ODF2: variants seen among roughly 807,000 people sequenced by gnomAD.
The protein encoded by ODF2 is outer dense fiber of sperm tails 2, also known as outer dense fiber protein 2.
In ODF2, 47 loss-of-function variants were observed where a neutral mutation model predicts 110.2. The observed-to-expected ratio is 0.43, with a 90% confidence interval of 0.34 to 0.54. The LOEUF (loss-of-function observed/expected upper bound fraction) is 0.54. ODF2 is among the 20% of genes least tolerant of loss of function. The pLI is 0.03. For synonymous variants in ODF2, 352 were observed against 397.7 expected (o/e 0.89, Z 1.37); for missense variants, 812 against 1,054.5 (o/e 0.77, Z 3.19).
chr9:128,488,339 C>T (rs1588950995), intron 14 of ODF2, among the ~76,000 whole-genome samples: 1 of 151,948 alleles, frequency 6.6e-6, no homozygotes, highest in Non-Finnish European at 1.5e-5. Context: ...TTGGGAGAAT[C>T]GCTTGAGCCT....
intron 6 of ODF2, 106 bp downstream of exon 6, chr9:128,471,574 G>A (rs1222739617): frequency 1.3e-5 from 13 of 992,426 alleles, no homozygotes; most frequent in Non-Finnish European, 1.5e-5. Context: ...CACAGGCACT[G>A]TGCCTGTGCC....
At chr9:128,486,481 G>A (rs1843374073) in intron 13 of ODF2, among the ~76,000 whole-genome samples, 1 of 152,194 alleles carries the variant, frequency 6.6e-6, no homozygotes, top group Non-Finnish European at 1.5e-5. Context: ...ATGTTTGCTT[G>A]GGCCTAGTCA....
At chr9:128,456,933 G>A in intron 1 of ODF2, 1 of 1,252,250 alleles carries the variant, frequency 8.0e-7, no homozygotes, top group Non-Finnish European at 1.0e-6. Flanking sequence ...TCTCCTAGGA[G>A]ACAGTTGTCC....
chr9:128,473,538 T>C lies in ODF2; in HGVS notation c.712-72T>C, dbSNP rs1228842309. 14 of 1,588,660 alleles carry C rather than the reference T, an allele frequency of 8.8e-6. No homozygotes were observed. In the East Asian group the frequency reaches 2.9e-4, roughly 33 times the overall value. On this transcript the variant is annotated intron_variant, in intron 7 of 20. Transcript: ENST00000604420. ...TGTCTGGGCTTTCTGGCACCAGACC[T>C]CTTGAGTGCCCATGGGGCCTGCTTC...
chr9:128,471,079 A>G (rs1839895157), intron 5 of ODF2, among the ~76,000 whole-genome samples: 1 of 152,000 alleles, frequency 6.6e-6, no homozygotes, highest in South Asian at 2.1e-4. Context: ...ACATCTGGCT[A>G]ATTTTTGTAT....
At chr9:128,455,878 C>A (rs1236574103), upstream of ODF2, 3 of 1,144,646 alleles carry the variant, frequency 2.6e-6, no homozygotes, top group Admixed American at 3.3e-5. Flanking sequence ...CCGGGAGGAT[C>A]CAAGGCAGGG....
chr9:128,474,795 C>T (rs373365481), intron 8 of ODF2, among the ~76,000 whole-genome samples: 1 of 151,918 alleles, frequency 6.6e-6, no homozygotes, highest in Non-Finnish European at 1.5e-5. Context: ...AACCCCATCT[C>T]TACTTGAAAA....
intron 1 of ODF2, chr9:128,456,577 G>A: frequency 6.6e-7 from 1 of 1,525,222 alleles, no homozygotes; most frequent in Non-Finnish European, 8.8e-7. Flanking sequence ...CTGCCTGCTG[G>A]TGGGTGGCCG....
exon 9 of ODF2, chr9:128,481,639 C>A: frequency 6.2e-7 from 1 of 1,613,750 alleles, no homozygotes; most frequent in Admixed American, 1.7e-5. Flanking sequence ...CGGAGGCCGA[C>A]TCAGAGAAAG....
rs570087818 is a variant in ODF2, at chr9:128,484,067, C to T, written c.1104+13C>T. On this transcript the variant is annotated intron_variant, in intron 11 of 20. Transcript: ENST00000604420. Reference sequence around the variant, plus strand: ...CATGCAGATTAAGGTACCTATTGGCCCCACAAGTGGGGAAAGAGGAGGCAA... The same window carrying T: ...CATGCAGATTAAGGTACCTATTGGCTCCACAAGTGGGGAAAGAGGAGGCAA... 6.3e-7 allele frequency: 1 copy of T among 1,588,208 alleles called. No homozygotes were observed. Among genetic ancestry groups the T allele is most frequent in the African/African-American group, 1.3e-5 (1 of 74,598 alleles).
At chr9:128,456,670 G>A (rs1269554492) in intron 1 of ODF2, 1 of 1,453,278 alleles carries the variant, frequency 6.9e-7, no homozygotes, top group Non-Finnish European at 9.0e-7. Flanking sequence ...CCTCTCCTCG[G>A]GCCTCCACAT....
Position 128,481,581 on chromosome 9 carries a change from AT to A in ODF2, c.847del (p.Ser283LeufsTer4). 6.2e-7 allele frequency: 1 copy of A among 1,613,040 alleles called. No individual in the cohort carries two copies. The highest frequency in any genetic ancestry group is 8.5e-7 in the Non-Finnish European group (1 of 1,179,422). The stretch of plus-strand genomic sequence containing the variant: ...TTTTTCCTTTGCCTTTCTTTGAAGG[AT>A]TCTGAAAGACTAATGGAGCAACAAG... On this transcript the variant is annotated frameshift_variant and splice_region_variant, in exon 9 of 21. Transcript: ENST00000604420. LOFTEE classifies it high-confidence loss of function.
chr9:128,460,158 T>C (rs1438222248), intron 3 of ODF2: 2 of 1,297,760 alleles, frequency 1.5e-6, no homozygotes, highest in Admixed American at 2.3e-5. Flanking sequence ...GCATGCCCAG[T>C]TGAGATCACT....
Position 128,460,684 on chromosome 9 carries a change from G to C in ODF2, c.124-258G>C. The C allele has an allele frequency of 6.2e-7, 1 of 1,613,714 alleles. No individual in the cohort carries two copies. The highest frequency in any genetic ancestry group is 8.5e-7 in the Non-Finnish European group (1 of 1,179,846). On this transcript the variant is annotated intron_variant, in intron 3 of 20. Coordinates refer to ENST00000604420, the Ensembl canonical transcript of ODF2. Reference sequence around the variant, plus strand: ...GCAGCCAGGTAGGAGCATGCCAGTGGGGCGAGGTAGTAGCTGTGGATCTGG... The same window carrying C: ...GCAGCCAGGTAGGAGCATGCCAGTGCGGCGAGGTAGTAGCTGTGGATCTGG...
Position 128,473,352 on chromosome 9 carries a change from C to A in ODF2, c.712-258C>A, listed in dbSNP as rs895626073. 5.2e-6 allele frequency: 4 copies of A among 773,732 alleles called. No homozygotes were observed. In the African/African-American group the frequency reaches 5.7e-5, roughly 11 times the overall value. 47.9% of individuals were successfully genotyped at this position (773,732 alleles called of 1,614,324 possible). A position where few individuals can be genotyped will look rare whatever the true frequency, so the allele number is the denominator to read the frequency against. On this transcript the variant is annotated intron_variant, in intron 7 of 20. Coordinates refer to ENST00000604420, the Ensembl canonical transcript of ODF2. ...TCTTGTCATCCTCCTTTGCTTCCTC[C>A]AGGAAGTCTGCCCTGACTGTGCTCA...
At chr9:128,470,035 AT>A (rs1221849249) in intron 5 of ODF2, among the ~76,000 whole-genome samples, 1 of 88,160 alleles carries the variant, frequency 1.1e-5, no homozygotes, top group African/African-American at 3.8e-5. Context: ...ATATATATAT[AT>A]ATATATATAT....
chr9:128,492,409 T>A lies in ODF2; in HGVS notation c.1537-17T>A. 1 of 1,581,052 alleles carries A rather than the reference T, an allele frequency of 6.3e-7. No homozygotes were observed. The highest frequency in any genetic ancestry group is 1.7e-4 in the Middle Eastern group (1 of 5,994). On this transcript the variant is annotated splice_polypyrimidine_tract_variant and intron_variant, in intron 14 of 20. Transcript: ENST00000604420. ...GCAGAACCTTCCTGTGGGTTACTCA[T>A]GAGCCATCCCTTCCAGGCCAGCTTT...
exon 9 of ODF2, chr9:128,481,627 G>T: frequency 6.2e-7 from 1 of 1,614,024 alleles, no homozygotes; most frequent in Non-Finnish European, 8.5e-7. Flanking sequence ...TGAAACGGCT[G>T]GCGGAGGCCG....
chr9:128,468,908 A>G, intron 4 of ODF2: 1 of 364,556 alleles, frequency 2.7e-6, no homozygotes, highest in Non-Finnish European at 4.9e-6. Context: ...CTCCCAATAT[A>G]CTGGTTTTAC....
Sources: gnomAD v4.1 joint callset for allele counts (sites outside exome capture counted in the v4.1 genomes callset) on GRCh38, gnomAD v4.1.1 for gene constraint, MANE v1.5 for transcripts, NCBI Gene and HGNC (gene_info 2026-07-23, HGNC 2026-07-21) for gene names.